Variants in HNRNPK observed in about 807,000 individuals in gnomAD.
HNRNPK encodes dC-stretch binding protein.
HNRNPK carries 7 observed loss-of-function variants against 67.0 expected under a neutral mutation model. The ratio of observed to expected loss-of-function variants is 0.10; its 90% CI spans 0.06 to 0.20. The LOEUF (loss-of-function observed/expected upper bound fraction) is 0.20, where lower values mean the gene tolerates loss of function less well. Ranked by LOEUF, HNRNPK falls within the 10% of genes least tolerant of loss-of-function variation. HNRNPK has a pLI of 1.00. For synonymous variants in HNRNPK, 213 were observed against 193.7 expected, an observed-to-expected ratio of 1.10 and a Z score of -0.83; for missense variants, 264 against 606.5, an observed-to-expected ratio of 0.44 and a Z score of 5.93.
intron 3 of HNRNPK, 37 bp downstream of exon 3, chr9:83,978,158 A>G: frequency 3.7e-6 from 5 of 1,339,654 alleles, no homozygotes; most frequent in South Asian, 1.2e-5. Context: ...TATTAACAGG[A>G]TAAAAAAATA....
At chr9:83,978,125 A>G (rs1254569978) in intron 3 of HNRNPK, 70 bp downstream of exon 3, 8 of 990,754 alleles carry the variant, frequency 8.1e-6, no homozygotes, top group Non-Finnish European at 1.1e-5. Context: ...TCCTAAGGCA[A>G]TAATTAACAG....
In HNRNPK at chr9:83,972,937, G is replaced by A. The variant is rs563593756; in HGVS notation, c.552C>T (p.Cys184=). Residue 184 remains cysteine, a synonymous_variant, in exon 10 of 17, where the codon TGC becomes TGT. Coordinates refer to ENST00000376263, the MANE Select transcript of HNRNPK (RefSeq NM_031263.4). ...CAACTCTGTCAGTGGAATGAGGACAGCATTCCTGGAAAAGCTTGATGGTGG... is the reference window on the plus strand; with the variant it reads ...CAACTCTGTCAGTGGAATGAGGACAACATTCCTGGAAAAGCTTGATGGTGG... ...TQTTIKLFQE[C]CPHSTDRVVL... 1.1e-5 allele frequency: 18 copies of A among 1,605,632 alleles called. No individual in the cohort carries two copies. The South Asian group carries it at 1.8e-4, about 16-fold the overall frequency.
chr9:83,972,668 C>G (rs143634593), intron 10 of HNRNPK, among the ~76,000 whole-genome samples, 176 bp downstream of exon 10: 10 of 152,358 alleles, frequency 6.6e-5, no homozygotes, highest in African/African-American at 2.4e-4. Flanking sequence ...AATTACCACT[C>G]TCCACTTTTT....
At chr9:83,974,383 T>C (rs1956984016) in intron 7 of HNRNPK, 134 bp downstream of exon 7, 2 of 487,568 alleles carry the variant, frequency 4.1e-6, no homozygotes, top group East Asian at 6.5e-5. Flanking sequence ...TACAAAATTA[T>C]GTAGCAGGTT....
chr9:83,972,917 C>A lies in HNRNPK; in HGVS notation c.572G>T (p.Arg191Ile). 1 of 1,610,054 alleles carries A rather than the reference C, an allele frequency of 6.2e-7. No individual in the cohort carries two copies. Among genetic ancestry groups the A allele is most frequent in the Middle Eastern group, 1.9e-4 (1 of 5,284 alleles). ...GGGTTTTCCTCCAATAAGAACAACT[C>A]TGTCAGTGGAATGAGGACAGCATTC... ...FQECCPHSTD[R>I]VVLIGGKPDR... The change falls in exon 10 of 17, where the codon AGA (arginine) becomes ATA (isoleucine). Residue 191 changes from arginine (R) to isoleucine (I), a missense_variant. This residue lies in a region of HNRNPK where 18 missense variants were observed against 84.5 expected (regional missense o/e 0.21). Transcript: ENST00000376263.
In HNRNPK at chr9:83,978,356, T is replaced by C. The variant is rs1333499021; in HGVS notation, c.-28+17A>G. ...TAAAAAAAAAAAAAAAAAAAAGACATTGCTTCTAGAACGTACCAGTTATTA... is the reference window on the plus strand; with the variant it reads ...TAAAAAAAAAAAAAAAAAAAAGACACTGCTTCTAGAACGTACCAGTTATTA... On this transcript the variant is annotated intron_variant, in intron 2 of 16. Transcript: ENST00000376263. 9 of 1,513,896 alleles carry C rather than the reference T, an allele frequency of 5.9e-6. No homozygotes were observed. The highest frequency in any genetic ancestry group is 4.7e-5 in the Admixed American group (2 of 42,782). 93.8% of individuals were successfully genotyped at this position (1,513,896 alleles called of 1,614,324 possible). A position where few individuals can be genotyped will look rare whatever the true frequency, so the allele number is the denominator to read the frequency against.
At chr9:83,977,619 A>C (rs1330298721) in intron 4 of HNRNPK, 70 bp downstream of exon 4, 28 of 881,796 alleles carry the variant, frequency 3.2e-5, no homozygotes, top group Non-Finnish European at 4.5e-5. Flanking sequence ...ACTTTCTAGA[A>C]AGCCAAACCA....
chr9:83,977,596 C>A lies in HNRNPK; in HGVS notation c.156+93G>T. On this transcript the variant is annotated intron_variant, in intron 4 of 16. Coordinates refer to ENST00000376263, the MANE Select transcript of HNRNPK (RefSeq NM_031263.4). ...AACCAAATGTTTTATATTCTTCAATCTGTAAAACTTTGACTTTCTAGAAAG... is the reference window on the plus strand; with the variant it reads ...AACCAAATGTTTTATATTCTTCAATATGTAAAACTTTGACTTTCTAGAAAG... The A allele has an allele frequency of 4.3e-6, 3 of 691,898 alleles. No individual in the cohort carries two copies. The South Asian group carries it at 5.3e-5, about 12-fold the overall frequency. The allele number at this position is 691,898 out of a possible 1,614,324, so 42.9% of individuals were successfully genotyped here.
intron 1 of HNRNPK, among the ~76,000 whole-genome samples, chr9:83,979,141 G>A (rs138854317): frequency 2.4e-4 from 37 of 152,312 alleles, no homozygotes; most frequent in Non-Finnish European, 4.4e-4. Flanking sequence ...ACGGTCGATA[G>A]GACTACAAAC....
At chr9:83,978,916 C>T (rs768335698) in intron 1 of HNRNPK, among the ~76,000 whole-genome samples, 7 of 152,200 alleles carry the variant, frequency 4.6e-5, no homozygotes, top group African/African-American at 1.4e-4. Flanking sequence ...GCGAACACAT[C>T]CAACAACCAG....
At chr9:83,973,484 T>C (rs941437269) in intron 8 of HNRNPK, 85 bp from the exon 9 acceptor site, 5 of 817,694 alleles carry the variant, frequency 6.1e-6, no homozygotes, top group East Asian at 2.4e-5. Context: ...AACAATAATA[T>C]ACTGTTGCAG....
Position 83,969,041 on chromosome 9 carries a change from A to G in HNRNPK, c.*366T>C, listed in dbSNP as rs998012645. On this transcript the variant is annotated 3_prime_UTR_variant, in exon 17 of 17. Transcript: ENST00000376263. Reference sequence around the variant, plus strand: ...CTTTTCCTCCCTGTCCCACCCCCCAAATGTTACAGTGACCACAAAGCAAGG... The same window carrying G: ...CTTTTCCTCCCTGTCCCACCCCCCAGATGTTACAGTGACCACAAAGCAAGG... The G allele has an allele frequency of 1.3e-5, 5 of 394,908 alleles. No homozygotes were observed. The highest frequency in any genetic ancestry group is 4.3e-5 in the Admixed American group (1 of 23,394). The allele number at this position is 394,908 out of a possible 1,614,324, so 24.5% of individuals were successfully genotyped here.
chr9:83,976,899 A>T (rs1266796100), intron 5 of HNRNPK, 96 bp downstream of exon 5: 3 of 693,478 alleles, frequency 4.3e-6, no homozygotes, highest in African/African-American at 1.8e-5. Flanking sequence ...CTTTGTAGCT[A>T]AACTATGAAA....
intron 1 of HNRNPK, 39 bp from the exon 2 acceptor site, chr9:83,978,491 T>C (rs1957175598): frequency 3.4e-6 from 2 of 594,550 alleles, no homozygotes; most frequent in African/African-American, 1.9e-5. Flanking sequence ...CTTTTGTTTA[T>C]TCTTATTACT....
In HNRNPK at chr9:83,978,112, C is replaced by T. The variant is rs1588435928; in HGVS notation, c.58+83G>A. 4.2e-5 allele frequency: 36 copies of T among 866,092 alleles called. No homozygotes were observed. In the East Asian group the frequency reaches 8.1e-4, roughly 19 times the overall value. 53.7% of individuals were successfully genotyped at this position (866,092 alleles called of 1,614,324 possible). A position where few individuals can be genotyped will look rare whatever the true frequency, so the allele number is the denominator to read the frequency against. On this transcript the variant is annotated intron_variant, in intron 3 of 16. Coordinates refer to ENST00000376263, the MANE Select transcript of HNRNPK (RefSeq NM_031263.4). ...ACAGTAATACCAAAAATTCACCACA[C>T]ACTCCTAAGGCAATAATTAACAGAA...
intron 1 of HNRNPK, among the ~76,000 whole-genome samples, chr9:83,979,261 A>C (rs1339165416): frequency 6.6e-6 from 1 of 152,204 alleles, no homozygotes; most frequent in Non-Finnish European, 1.5e-5. Flanking sequence ...TATGCCTCCC[A>C]TTCTCCCATA....
chr9:83,974,424 GTC>G, intron 7 of HNRNPK, 91 bp downstream of exon 7: 1 of 594,756 alleles, frequency 1.7e-6, no homozygotes, highest in Non-Finnish European at 3.0e-6. Context: ...CATATCCATT[GTC>G]TCTCCACCTC....
Position 83,973,894 on chromosome 9 carries a change from T to A in HNRNPK, c.402+8A>T, listed in dbSNP as rs1165884819. 6.2e-7 allele frequency: 1 copy of A among 1,609,482 alleles called. No homozygotes were observed. The highest frequency in any genetic ancestry group is 1.1e-5 in the South Asian group (1 of 90,958). On this transcript the variant is annotated splice_region_variant and intron_variant, in intron 8 of 16. Transcript: ENST00000376263. ...ACTTCAGTGGGGTTCAATGGCACTA[T>A]GACATACATTTAAGCATTCCACAGC... is the stretch of plus-strand genomic sequence containing the variant.
chr9:83,974,647 T>C (rs748548953), intron 6 of HNRNPK, 58 bp from the exon 7 acceptor site: 4 of 1,196,230 alleles, frequency 3.3e-6, no homozygotes, highest in African/African-American at 3.0e-5. Context: ...AAAATGAGTT[T>C]TGTGTTTGTC....
Sources: allele counts gnomAD v4.1 joint callset (sites outside exome capture counted in the v4.1 genomes callset), GRCh38; gene constraint gnomAD v4.1.1; regional missense constraint gnomAD v4.1.1; transcripts MANE v1.5; gene names NCBI Gene and HGNC (gene_info 2026-07-23, HGNC 2026-07-21).